RELN: variants seen among roughly 807,000 people sequenced by gnomAD.
RELN encodes the protein reelin.
In RELN, 108 loss-of-function variants were observed where a neutral mutation model predicts 427.6. The ratio of observed to expected loss-of-function variants is 0.25; its 90% CI spans 0.22 to 0.30. RELN has a LOEUF of 0.30. Among genes scored for constraint, RELN ranks in the 10% least tolerant of loss-of-function variants. The pLI, the probability that RELN is intolerant of heterozygous loss-of-function variation, is 1.00. For missense variants in RELN, 3,715 were observed against 4,302.8 expected, an observed-to-expected ratio of 0.86 and a Z score of 3.82; for synonymous variants, 1,524 against 1,513.4, an observed-to-expected ratio of 1.01 and a Z score of -0.16.
intron 3 of RELN, among the ~76,000 whole-genome samples, chr7:103,798,294 G>T (rs1006623264): frequency 6.6e-6 from 1 of 152,100 alleles, no homozygotes; most frequent in East Asian, 1.9e-4. Context: ...TCAAATCTAG[G>T]TTCAAATCTT....
At chr7:103,911,883 T>A (rs1253331725) in intron 2 of RELN, among the ~76,000 whole-genome samples, 4 of 142,858 alleles carry the variant, frequency 2.8e-5, no homozygotes, top group African/African-American at 7.8e-5. Context: ...AGAGATAGCA[T>A]TGGGAGATAT....
At chr7:103,637,311 T>C (rs1030507149) in intron 17 of RELN, among the ~76,000 whole-genome samples, 3 of 152,182 alleles carry the variant, frequency 2.0e-5, no homozygotes, top group African/African-American at 2.4e-5. Flanking sequence ...GCTCAATTGG[T>C]ATCTTTTTGA....
rs1469133138 is a variant in RELN at position 103,539,308 on chromosome 7, A to G, written c.6950T>C (p.Ile2317Thr). 6.2e-7 allele frequency: 1 copy of G among 1,613,998 alleles called. No homozygotes were observed. Among genetic ancestry groups the G allele is most frequent in the African/African-American group, 1.3e-5 (1 of 74,948 alleles). Residue 2317 changes from isoleucine (I) to threonine (T), a missense_variant, in exon 45 of 65, where the codon ATT (isoleucine) becomes ACT (threonine). By Grantham distance (89) the Ile-to-Thr change is moderately conservative. Coordinates refer to ENST00000428762, the MANE Select transcript of RELN (RefSeq NM_005045.4). ...ATCTTCCAAGACCGTATTACCAGAA[A>G]TATTTCCTCCAATAAGAATCTGAAA... ...VIDQILIGGN[I>T]SGNTVLEDDF...
rs570444977 is a variant in RELN, at chr7:103,847,588, T to C, written c.338-13916A>G. 3.9e-5 allele frequency among the ~76,000 whole-genome samples: 6 copies of C among 152,308 alleles called. 1 individual carries two copies. The highest frequency in any genetic ancestry group is 9.6e-5 in the African/African-American group (4 of 41,582). ...AATAACAAAAAATGATATAATATCATGTAACTGACAGATAGGTCAAACTTG... is the reference window on the plus strand; with the variant it reads ...AATAACAAAAAATGATATAATATCACGTAACTGACAGATAGGTCAAACTTG... On this transcript the variant is annotated intron_variant, in intron 2 of 64. Coordinates refer to ENST00000428762, the MANE Select transcript of RELN (RefSeq NM_005045.4).
rs537280786 is a variant in RELN, at chr7:103,825,841, G to C, written c.473+7696C>G. 3.3e-5 allele frequency among the ~76,000 whole-genome samples: 5 copies of C among 152,182 alleles called. No individual in the cohort carries two copies. The East Asian group carries it at 9.6e-4, about 29-fold the overall frequency. Reference sequence around the variant, plus strand: ...CACATGGCTTATAGCTACCATGTTAGAAAGTATGGTTCTAAACAAATTTTA... The same window carrying C: ...CACATGGCTTATAGCTACCATGTTACAAAGTATGGTTCTAAACAAATTTTA... On this transcript the variant is annotated intron_variant, in intron 3 of 64. Coordinates refer to ENST00000428762, the MANE Select transcript of RELN (RefSeq NM_005045.4).
Position 103,589,618 on chromosome 7 carries a change from T to G in RELN, c.4123A>C (p.Ile1375Leu). 1 of 1,613,270 alleles carries G rather than the reference T, an allele frequency of 6.2e-7. No individual in the cohort carries two copies. The change falls in exon 28 of 65, where the codon ATT (isoleucine) becomes CTT (leucine). Residue 1375 changes from isoleucine (I) to leucine (L), a missense_variant. This residue lies in a region of RELN where 2,208 missense variants were observed against 2,361.7 expected (regional missense o/e 0.93). Transcript: ENST00000428762. Reference protein sequence around the residue: ...FEEWTRITIVIPRSLASSKTR... With the variant: ...FEEWTRITIVLPRSLASSKTR... Reference sequence around the variant, plus strand: ...TACCTGGATGCAAGAGACCTTGGAATAACAATGGTGATTCTTGTCCATTCT... The same window carrying G: ...TACCTGGATGCAAGAGACCTTGGAAGAACAATGGTGATTCTTGTCCATTCT...
chr7:103,826,975 G>A (rs1793157065), intron 3 of RELN, among the ~76,000 whole-genome samples: 1 of 150,170 alleles, frequency 6.7e-6, no homozygotes, highest in South Asian at 2.1e-4. Context: ...TGAAAAGAAA[G>A]GAAGAGGTTG....
intron 22 of RELN, among the ~76,000 whole-genome samples, chr7:103,609,251 A>G (rs1368839223): frequency 6.6e-6 from 1 of 151,546 alleles, no homozygotes; most frequent in Non-Finnish European, 1.5e-5. Context: ...ATACACTATC[A>G]GTAGTATTTT....
At chr7:103,815,008 A>G (rs746512508) in intron 3 of RELN, among the ~76,000 whole-genome samples, 5 of 152,226 alleles carry the variant, frequency 3.3e-5, no homozygotes, top group Non-Finnish European at 5.9e-5. Context: ...AGAAATAAAC[A>G]TGGGCAGTCT....
chr7:103,912,483 C>T (rs1488866292), intron 2 of RELN, among the ~76,000 whole-genome samples: 1 of 152,062 alleles, frequency 6.6e-6, no homozygotes, highest in Non-Finnish European at 1.5e-5. Context: ...TGTGCCCAGC[C>T]TTTTAAGCAT....
intron 6 of RELN, among the ~76,000 whole-genome samples, chr7:103,734,021 A>G (rs898325064): frequency 5.3e-5 from 8 of 152,186 alleles, no homozygotes; most frequent in Admixed American, 5.2e-4. Context: ...TGAGTTCCTA[A>G]GAACTAGGAT....
chr7:103,782,539 G>A (rs985009802), intron 3 of RELN, among the ~76,000 whole-genome samples: 7 of 152,054 alleles, frequency 4.6e-5, no homozygotes, highest in Non-Finnish European at 1.0e-4. Context: ...CAAGCTTCTG[G>A]AATAGGAATC....
At chr7:103,664,899 T>C (rs1356801598) in intron 11 of RELN, among the ~76,000 whole-genome samples, 2 of 152,262 alleles carry the variant, frequency 1.3e-5, no homozygotes, top group East Asian at 1.9e-4. Flanking sequence ...GTATTGTACT[T>C]TTTTTCACTT....
At chr7:103,671,759 T>C (rs1317067033) in intron 11 of RELN, among the ~76,000 whole-genome samples, 2 of 152,194 alleles carry the variant, frequency 1.3e-5, no homozygotes, top group African/African-American at 4.8e-5. Context: ...GTCTGCACTT[T>C]ATCTACCTGT....
At chr7:103,849,261 C>T (rs1793756113) in intron 2 of RELN, among the ~76,000 whole-genome samples, 1 of 152,130 alleles carries the variant, frequency 6.6e-6, no homozygotes, top group East Asian at 1.9e-4. Context: ...TTATTGATTA[C>T]TTTCCCCACT....
chr7:103,967,668 C>T (rs969414370), intron 1 of RELN, among the ~76,000 whole-genome samples: 4 of 152,312 alleles, frequency 2.6e-5, no homozygotes, highest in Non-Finnish European at 5.9e-5. Context: ...GAAATCAGCC[C>T]TCTCCCCTGC....
Position 103,650,375 on chromosome 7 carries a change from C to T in RELN, c.1901G>A (p.Arg634Gln), listed in dbSNP as rs779205093. ...YSSENYSGWNRITIPLPNAAL... is the reference protein window; with the variant it reads ...YSSENYSGWNQITIPLPNAAL... ...TGCGTTAGGAAGGGGAATTGTTATTCGGTTCCACCTGCAAGAAATTTAGCA... is the reference window on the plus strand; with the variant it reads ...TGCGTTAGGAAGGGGAATTGTTATTTGGTTCCACCTGCAAGAAATTTAGCA... The change falls in exon 16 of 65, where the codon CGA (arginine) becomes CAA (glutamine). Residue 634 changes from arginine (R) to glutamine (Q), a missense_variant. By Grantham distance (43) the Arg-to-Gln change is conservative. Coordinates refer to ENST00000428762, the MANE Select transcript of RELN (RefSeq NM_005045.4). The T allele has an allele frequency of 1.9e-6, 3 of 1,605,862 alleles. No individual in the cohort carries two copies. The highest frequency in any genetic ancestry group is 1.7e-6 in the Non-Finnish European group (2 of 1,172,834).
At chr7:103,663,170 A>C (rs1833182590) in intron 11 of RELN, among the ~76,000 whole-genome samples, 1 of 151,468 alleles carries the variant, frequency 6.6e-6, no homozygotes, top group Non-Finnish European at 1.5e-5. Flanking sequence ...CAGCCCCACC[A>C]CTCCATCTCA....
intron 3 of RELN, among the ~76,000 whole-genome samples, chr7:103,801,728 A>T (rs529106204): frequency 4.2e-5 from 6 of 143,350 alleles, no homozygotes; most frequent in East Asian, 2.0e-4. Context: ...TTAAAGTATA[A>T]AAAAAAAAAA....
Sources: allele counts gnomAD v4.1 joint callset (sites outside exome capture counted in the v4.1 genomes callset), GRCh38; gene constraint gnomAD v4.1.1; regional missense constraint gnomAD v4.1.1; transcripts MANE v1.5; gene names NCBI Gene and HGNC (gene_info 2026-07-23, HGNC 2026-07-21).